STK32B: variants seen among roughly 807,000 people sequenced by gnomAD.
The protein encoded by STK32B is serine/threonine kinase 32B.
Under a neutral mutation model 52.6 loss-of-function variants are expected in STK32B, and 43 were observed. That is an observed-to-expected ratio of 0.82 (90% CI 0.64 to 1.05). The LOEUF (loss-of-function observed/expected upper bound fraction) is 1.05. Among genes scored for constraint, STK32B ranks in the 50% least tolerant of loss-of-function variants. The probability of loss-of-function intolerance (pLI) is 0.00; values close to 1 mark genes in which losing one functional copy is unlikely to be tolerated. For synonymous variants in STK32B, 238 were observed against 204.3 expected, an observed-to-expected ratio of 1.17 and a Z score of -1.41; for missense variants, 621 against 534.6, an observed-to-expected ratio of 1.16 and a Z score of -1.59.
chr4:5,022,487 C>T, the STK32B span, among the ~76,000 whole-genome samples: 120 of 152,326 alleles, frequency 7.9e-4, no homozygotes, highest in African/African-American at 2.8e-3. Flanking sequence ...TCACCTGCAT[C>T]CTCCCACCAG....
the STK32B span, among the ~76,000 whole-genome samples, chr4:5,044,340 T>TA: frequency 6.6e-6 from 1 of 152,134 alleles, no homozygotes; most frequent in Non-Finnish European, 1.5e-5. Context: ...ACTTCTCTCC[T>TA]AAACCTCAGA....
At chr4:5,214,999 A>G (rs1362580026) in intron 3 of STK32B, among the ~76,000 whole-genome samples, 1 of 152,226 alleles carries the variant, frequency 6.6e-6, no homozygotes, top group Non-Finnish European at 1.5e-5. Context: ...GAGATGGATC[A>G]TTGCTTTTAA....
chr4:5,416,400 T>C (rs753114900), intron 5 of STK32B, among the ~76,000 whole-genome samples: 1 of 152,004 alleles, frequency 6.6e-6, no homozygotes, highest in Admixed American at 6.6e-5. Flanking sequence ...ATTCCTCAAT[T>C]ACAGTACTAA....
intron 6 of STK32B, among the ~76,000 whole-genome samples, chr4:5,445,105 ACCTC>A (rs1715267468): frequency 6.6e-6 from 1 of 152,004 alleles, no homozygotes; most frequent in South Asian, 2.1e-4. Context: ...CCCTCTCTGA[ACCTC>A]CCCTGTAAAA....
At chr4:5,340,556 C>A (rs1366875292) in intron 4 of STK32B, among the ~76,000 whole-genome samples, 2 of 152,280 alleles carry the variant, frequency 1.3e-5, no homozygotes, top group South Asian at 4.1e-4. Flanking sequence ...GTGACATGGT[C>A]TAACTTGTCA....
At chr4:5,306,005 G>A (rs1007088163) in intron 3 of STK32B, among the ~76,000 whole-genome samples, 1 of 152,070 alleles carries the variant, frequency 6.6e-6, no homozygotes, top group Non-Finnish European at 1.5e-5. Context: ...CCATGTATTT[G>A]CGTTGTTTTG....
At chr4:5,102,634 C>T (rs1713870831) in intron 1 of STK32B, among the ~76,000 whole-genome samples, 1 of 151,678 alleles carries the variant, frequency 6.6e-6, no homozygotes. Context: ...CGAGTTCAAG[C>T]CATTCTCCTG....
chr4:5,107,018 C>T (rs899955743), intron 1 of STK32B, among the ~76,000 whole-genome samples: 8 of 152,122 alleles, frequency 5.3e-5, no homozygotes, highest in African/African-American at 9.7e-5. Flanking sequence ...CCCAGGAACC[C>T]GGCTGCATAG....
chr4:5,071,245 G>A (rs1380499003), intron 1 of STK32B, among the ~76,000 whole-genome samples: 2 of 152,128 alleles, frequency 1.3e-5, no homozygotes, highest in South Asian at 2.1e-4. Context: ...AGGAAAACAT[G>A]TTACTCCACA....
At chr4:5,159,961 C>G (rs1341632180) in intron 2 of STK32B, among the ~76,000 whole-genome samples, 1 of 151,936 alleles carries the variant, frequency 6.6e-6, no homozygotes, top group Non-Finnish European at 1.5e-5. Flanking sequence ...CCCTTCCTCT[C>G]CTGGGAAGTC....
chr4:5,322,052 G>A (rs1331770267), intron 3 of STK32B, among the ~76,000 whole-genome samples: 1 of 150,608 alleles, frequency 6.6e-6, no homozygotes, highest in Non-Finnish European at 1.5e-5. Flanking sequence ...GGGTTGGGCT[G>A]GCTGAACACA....
At chr4:5,258,301 C>T (rs201564074) in intron 3 of STK32B, among the ~76,000 whole-genome samples, 8 of 152,318 alleles carry the variant, frequency 5.3e-5, no homozygotes, top group African/African-American at 1.9e-4. Context: ...TGTGCCCTTA[C>T]AGTACATTGG....
intron 4 of STK32B, among the ~76,000 whole-genome samples, chr4:5,334,063 T>C (rs1732460871): frequency 6.6e-6 from 1 of 152,140 alleles, no homozygotes; most frequent in Non-Finnish European, 1.5e-5. Context: ...TAAATTACCT[T>C]GGGCAGTATG....
chr4:5,237,654 A>G (rs1214954425), intron 3 of STK32B, among the ~76,000 whole-genome samples: 1 of 152,196 alleles, frequency 6.6e-6, no homozygotes, highest in East Asian at 1.9e-4. Context: ...CTTAATGAGA[A>G]TGGATCATTG....
Position 5,500,584 on chromosome 4 carries a change from C to G in STK32B, c.*1501C>G, listed in dbSNP as rs1720647852. ...ATTTTTCACTTTTTACATGATTACT[C>G]AATCCTTGGGGCTGTCCATGTCATC... On this transcript the variant is annotated 3_prime_UTR_variant, in exon 12 of 12. Coordinates refer to ENST00000282908, the MANE Select transcript of STK32B (RefSeq NM_018401.3). 6.6e-6 allele frequency: 1 copy of G among 152,144 alleles called. No homozygotes were observed. Among genetic ancestry groups the G allele is most frequent in the South Asian group, 2.1e-4 (1 of 4,810 alleles). The allele number at this position is 152,144 out of a possible 1,614,324, so 9.4% of individuals were successfully genotyped here. A position where few individuals can be genotyped will look rare whatever the true frequency, so the allele number is the denominator to read the frequency against.
chr4:5,352,718 A>G (rs998178999), intron 4 of STK32B, among the ~76,000 whole-genome samples: 3 of 142,156 alleles, frequency 2.1e-5, no homozygotes, highest in African/African-American at 8.5e-5. Context: ...GCACCAAAAT[A>G]CTCTTAGATC....
At chr4:5,284,081 C>G (rs184563013) in intron 3 of STK32B, among the ~76,000 whole-genome samples, 1 of 151,918 alleles carries the variant, frequency 6.6e-6, no homozygotes, top group Non-Finnish European at 1.5e-5. Context: ...ATTTTGAAAT[C>G]AAAATTGTAA....
chr4:5,411,092 G>A (rs567148369), intron 5 of STK32B, among the ~76,000 whole-genome samples: 4 of 150,490 alleles, frequency 2.7e-5, no homozygotes, highest in African/African-American at 9.8e-5. Flanking sequence ...CTGGAGTGCA[G>A]TGGTGCTATC....
intron 2 of STK32B, among the ~76,000 whole-genome samples, chr4:5,155,058 C>T (rs1233249312): frequency 1.3e-5 from 2 of 152,200 alleles, no homozygotes; most frequent in Non-Finnish European, 2.9e-5. Flanking sequence ...AGCCCTTCTT[C>T]AAGTCTCTTG....
Sources: gnomAD v4.1 joint callset for allele counts (sites outside exome capture counted in the v4.1 genomes callset) on GRCh38, gnomAD v4.1.1 for gene constraint, MANE v1.5 for transcripts, NCBI Gene and HGNC (gene_info 2026-07-23, HGNC 2026-07-21) for gene names.